CCSER1: variants seen among roughly 807,000 people sequenced by gnomAD.
CCSER1 encodes serine-rich coiled-coil domain-containing protein 1.
CCSER1 carries 41 observed loss-of-function variants against 82.0 expected under a neutral mutation model. The observed-to-expected ratio is 0.50, with a 90% confidence interval of 0.39 to 0.65. The LOEUF (loss-of-function observed/expected upper bound fraction) is 0.65, where lower values mean the gene tolerates loss of function less well. Ranked by LOEUF, CCSER1 falls within the 30% of genes least tolerant of loss-of-function variation. The pLI is 0.00. For missense variants in CCSER1, 1,119 were observed against 1,064.2 expected (o/e 1.05, Z -0.72); for synonymous variants, 414 against 383.9 (o/e 1.08, Z -0.92).
At chr4:90,299,325 G>A (rs1341282035) in intron 1 of CCSER1, among the ~76,000 whole-genome samples, 2 of 151,978 alleles carry the variant, frequency 1.3e-5, no homozygotes, top group East Asian at 1.9e-4. Flanking sequence ...TTCATTTTTA[G>A]GAGTGACCCA....
At chr4:90,834,427 C>A (rs1179293530) in intron 8 of CCSER1, among the ~76,000 whole-genome samples, 1 of 152,182 alleles carries the variant, frequency 6.6e-6, no homozygotes, top group African/African-American at 2.4e-5. Flanking sequence ...AGTTTCAATA[C>A]AATCTCCCTC....
intron 6 of CCSER1, among the ~76,000 whole-genome samples, chr4:90,705,451 T>C (rs1300263360): frequency 6.6e-6 from 1 of 152,178 alleles, no homozygotes; most frequent in East Asian, 1.9e-4. Flanking sequence ...GTCTGTCCAT[T>C]CTCAGATCTC....
At chr4:91,275,306 T>G (rs901424443) in intron 10 of CCSER1, among the ~76,000 whole-genome samples, 9 of 113,674 alleles carry the variant, frequency 7.9e-5, no homozygotes, top group African/African-American at 3.2e-4. Flanking sequence ...TGTTTTTTTT[T>G]GTTTGTTTTT....
intron 9 of CCSER1, among the ~76,000 whole-genome samples, chr4:91,058,461 T>C (rs1346133352): frequency 6.6e-6 from 1 of 152,148 alleles, no homozygotes; most frequent in African/African-American, 2.4e-5. Context: ...ATAGCTACCA[T>C]GGTCTGGCAC....
chr4:91,380,544 GT>G (rs1251204466), intron 10 of CCSER1, among the ~76,000 whole-genome samples: 2 of 152,286 alleles, frequency 1.3e-5, no homozygotes, highest in African/African-American at 4.8e-5. Context: ...TTTAAAGTCT[GT>G]TTTATCAGAG....
At chr4:91,027,088 C>A (rs544523784) in intron 9 of CCSER1, among the ~76,000 whole-genome samples, 22 of 151,962 alleles carry the variant, frequency 1.4e-4, no homozygotes, top group Non-Finnish European at 2.1e-4. Context: ...TTAGTAACTA[C>A]CCATGTAGAA....
chr4:90,571,567 G>A (rs1780121237), intron 5 of CCSER1, among the ~76,000 whole-genome samples: 1 of 152,080 alleles, frequency 6.6e-6, no homozygotes, highest in Admixed American at 6.6e-5. Flanking sequence ...ACATAAAGAT[G>A]GGACAATAGA....
intron 9 of CCSER1, among the ~76,000 whole-genome samples, chr4:90,941,296 TATC>T (rs1258262211): frequency 6.6e-6 from 1 of 152,118 alleles, no homozygotes. Flanking sequence ...TGTAGGCACT[TATC>T]ATTGTCTGTT....
At chr4:91,446,374 A>G (rs2149413470) in intron 10 of CCSER1, among the ~76,000 whole-genome samples, 1 of 152,184 alleles carries the variant, frequency 6.6e-6, no homozygotes, top group South Asian at 2.1e-4. Flanking sequence ...CTATACAGTG[A>G]GAATTAACCA....
intron 1 of CCSER1, among the ~76,000 whole-genome samples, chr4:90,138,922 C>T (rs76767924): frequency 2.6e-5 from 4 of 152,112 alleles, no homozygotes; most frequent in African/African-American, 9.7e-5. Flanking sequence ...TGTCAGAATT[C>T]TTTCATTCAG....
intron 7 of CCSER1, chr4:90,780,348 A>C: frequency 7.8e-7 from 1 of 1,276,560 alleles, no homozygotes; most frequent in Non-Finnish European, 1.1e-6. Flanking sequence ...CTTTAAGAAC[A>C]TTTAAGTTTC....
intron 10 of CCSER1, among the ~76,000 whole-genome samples, chr4:91,560,552 T>C (rs78622285): frequency 0.038 from 5,725 of 151,568 alleles, 202 homozygotes; most frequent in South Asian, 0.16. Flanking sequence ...TTTTAAAAAT[T>C]CAAAAGCTTT....
chr4:90,377,432 T>C (rs982581510), intron 3 of CCSER1, among the ~76,000 whole-genome samples: 1 of 152,124 alleles, frequency 6.6e-6, no homozygotes, highest in Non-Finnish European at 1.5e-5. Context: ...ACCAGTATAA[T>C]TAGGTAGAAG....
intron 10 of CCSER1, among the ~76,000 whole-genome samples, chr4:91,315,397 T>C (rs905656968): frequency 6.6e-6 from 1 of 151,938 alleles, no homozygotes; most frequent in Non-Finnish European, 1.5e-5. Flanking sequence ...GTGCTGTATT[T>C]TTCATTATAT....
intron 9 of CCSER1, among the ~76,000 whole-genome samples, chr4:91,045,704 G>T (rs1742395230): frequency 6.6e-6 from 1 of 151,976 alleles, no homozygotes. Context: ...CTATAAAGTA[G>T]CTTTTAATAT....
intron 10 of CCSER1, among the ~76,000 whole-genome samples, chr4:91,113,249 CATT>C (rs1200795073): frequency 6.6e-6 from 1 of 152,124 alleles, no homozygotes; most frequent in African/African-American, 2.4e-5. Flanking sequence ...AAACGCATGA[CATT>C]GTGTTGGGAG....
At chr4:90,898,457 T>G (rs181031886) in intron 8 of CCSER1, among the ~76,000 whole-genome samples, 1 of 150,728 alleles carries the variant, frequency 6.6e-6, no homozygotes, top group Non-Finnish European at 1.5e-5. Context: ...TTTTTTTTTT[T>G]TTGTATTTTT....
rs1758473743 is a variant in CCSER1 at position 91,490,733 on chromosome 4, T to C, written c.2218-107839T>C. On this transcript the variant is annotated intron_variant, in intron 10 of 10. Transcript: ENST00000509176. ...GACTACAGTTAACAGTAATCTAGTA[T>C]ATGTTTTAAAATAACCAAGAGTATA... 2.7e-5 allele frequency among the ~76,000 whole-genome samples: 4 copies of C among 149,706 alleles called. No homozygotes were observed. The Admixed American group carries it at 2.7e-4, about 10-fold the overall frequency.
intron 9 of CCSER1, among the ~76,000 whole-genome samples, chr4:91,047,092 C>T (rs530106477): frequency 3.9e-5 from 6 of 152,196 alleles, no homozygotes; most frequent in East Asian, 1.9e-4. Flanking sequence ...CCAACCCCCT[C>T]GCAACAAAGT....
Sources: allele counts gnomAD v4.1 joint callset (sites outside exome capture counted in the v4.1 genomes callset), GRCh38; gene constraint gnomAD v4.1.1; transcripts MANE v1.5; gene names NCBI Gene and HGNC (gene_info 2026-07-23, HGNC 2026-07-21).